The following MEGF6 variants were observed in gnomAD, a reference collection of about 807,000 sequenced individuals.
MEGF6 encodes multiple EGF like domains 6.
A neutral mutation model predicts 207.1 loss-of-function variants in MEGF6; 184 were observed. That is an observed-to-expected ratio of 0.89 (90% CI 0.79 to 1.00). The LOEUF is 1.00. Ranked by LOEUF, MEGF6 falls within the 50% of genes least tolerant of loss-of-function variation. The pLI is 0.00. For synonymous variants in MEGF6, 1,038 were observed against 910.0 expected, an observed-to-expected ratio of 1.14 and a Z score of -2.53; for missense variants, 2,282 against 2,202.9, an observed-to-expected ratio of 1.04 and a Z score of -0.72.
At chr1:3,540,917 C>G (rs1311880756) in intron 4 of MEGF6, among the ~76,000 whole-genome samples, 2 of 152,200 alleles carry the variant, frequency 1.3e-5, no homozygotes, top group African/African-American at 2.4e-5. Context: ...TTGTGGAATA[C>G]CCACTAAGGG....
chr1:3,512,905 C>T (rs923640241), intron 7 of MEGF6, among the ~76,000 whole-genome samples: 5 of 152,174 alleles, frequency 3.3e-5, no homozygotes, highest in East Asian at 3.9e-4. Flanking sequence ...AGTGGCAGCC[C>T]GACCCCTCCC....
At chr1:3,552,277 A>T (rs1474662791) in intron 4 of MEGF6, among the ~76,000 whole-genome samples, 1 of 152,228 alleles carries the variant, frequency 6.6e-6, no homozygotes. Context: ...TCCCTGCTCC[A>T]GGCTGTGGGG....
Position 3,505,547 on chromosome 1 carries a change from G to A in MEGF6, c.1928C>T (p.Pro643Leu), listed in dbSNP as rs1467856963. Residue 643 changes from proline to leucine, a missense_variant, in exon 16 of 37, where the codon CCG becomes CTG. Coordinates refer to ENST00000356575, the MANE Select transcript of MEGF6 (RefSeq NM_001409.4). Reference protein sequence around the residue: ...YGRFCHLTCPPWAFGPGCSEE... With the variant: ...YGRFCHLTCPLWAFGPGCSEE... ...CGAGCAGCCCGGCCCAAAGGCCCAC[G>A]GCGGGCAGGCTGCACCCACAGAACC... The A allele has an allele frequency of 1.2e-5, 19 of 1,579,694 alleles. No individual in the cohort carries two copies. Among genetic ancestry groups the A allele is most frequent in the Middle Eastern group, 1.9e-4 (1 of 5,304 alleles).
the MEGF6 span, among the ~76,000 whole-genome samples, chr1:3,621,556 A>T: frequency 6.6e-6 from 1 of 152,190 alleles, no homozygotes; most frequent in Non-Finnish European, 1.5e-5. Flanking sequence ...ATCTAGTATA[A>T]CTCTTGTTAT....
rs564894728 is a variant in MEGF6 at position 3,598,935 on chromosome 1, C to A, written c.267-3488G>T. ...CCCGGCCGGGTTTGTCAGGGAAGTA[C>A]CCACTGAGGGGGCTGAAGGCAAGAC... On this transcript the variant is annotated intron_variant, in intron 2 of 36. Transcript: ENST00000356575. 1.1e-4 allele frequency among the ~76,000 whole-genome samples: 17 copies of A among 152,216 alleles called. 1 individual carries two copies. In the South Asian group the frequency reaches 3.3e-3, roughly 30 times the overall value.
intron 5 of MEGF6, among the ~76,000 whole-genome samples, chr1:3,519,705 G>A (rs529634176): frequency 6.4e-4 from 98 of 152,356 alleles, no homozygotes; most frequent in African/African-American, 2.2e-3. Flanking sequence ...GCAGCAAGGC[G>A]GCCAGCCCTG....
chr1:3,538,792 C>T (rs1438502179), intron 4 of MEGF6, among the ~76,000 whole-genome samples: 3 of 151,622 alleles, frequency 2.0e-5, no homozygotes, highest in Admixed American at 1.3e-4. Flanking sequence ...TCCCACCCAG[C>T]TGTGCGAGGC....
intron 2 of MEGF6, 137 bp from the exon 3 acceptor site, chr1:3,595,584 T>G (rs1570226294): frequency 1.4e-6 from 1 of 690,330 alleles, no homozygotes; most frequent in Non-Finnish European, 2.5e-6. Flanking sequence ...GGTTCCTGGG[T>G]GGGGTGGCTG....
chr1:3,499,899 G>A lies in MEGF6; in HGVS notation c.2733C>T (p.Pro911=), dbSNP rs1299837312. ...GACACTGGCACCGCTGCTCACAGCC[G>A]GGCCCAAAGTGGCCCTGGGGACACT... ...EQQCPQGHFG[P]GCEQRCQCQH... The change falls in exon 22 of 37, where the codon CCC becomes CCT. Residue 911 remains proline, a synonymous_variant. Transcript: ENST00000356575. 1.9e-5 allele frequency: 29 copies of A among 1,561,824 alleles called. No individual in the cohort carries two copies. The highest frequency in any genetic ancestry group is 1.1e-4 in the Admixed American group (6 of 53,392).
chr1:3,620,090 G>T, the MEGF6 span, among the ~76,000 whole-genome samples: 1 of 152,204 alleles, frequency 6.6e-6, no homozygotes, highest in Admixed American at 6.5e-5. Context: ...GTGGAACTTT[G>T]AATTTGAGAG....
Position 3,500,657 on chromosome 1 carries a change from A to G in MEGF6, c.2683T>C (p.Tyr895His), listed in dbSNP as rs752298969. Residue 895 changes from tyrosine (Y) to histidine (H), a missense_variant, in exon 21 of 37, where the codon TAC becomes CAC. Physicochemically the swap from Tyr to His is moderately conservative, Grantham distance 83. Transcript: ENST00000356575. ...CGCTGCTCGCACCGCGGGCCCACGT[A>G]GCCAGCCTCACACAGACACAGGCCG... ...ISGLCLCEAG[Y>H]VGPRCEQQCP... 3.8e-6 allele frequency: 6 copies of G among 1,566,214 alleles called. No homozygotes were observed. The highest frequency in any genetic ancestry group is 4.3e-6 in the Non-Finnish European group (5 of 1,155,858).
intron 4 of MEGF6, among the ~76,000 whole-genome samples, chr1:3,572,803 G>A (rs1010377703): frequency 6.8e-6 from 1 of 147,764 alleles, no homozygotes; most frequent in African/African-American, 2.5e-5. Context: ...GGTGTGCTGG[G>A]TCCTCCCTGT....
chr1:3,622,616 GA>G, the MEGF6 span, among the ~76,000 whole-genome samples: 5 of 152,178 alleles, frequency 3.3e-5, no homozygotes, highest in Non-Finnish European at 2.9e-5. Flanking sequence ...AAGGTCGTGT[GA>G]AGATGGAGGC....
intron 14 of MEGF6, 143 bp from the exon 15 acceptor site, chr1:3,506,379 C>T (rs923682317): frequency 2.8e-5 from 29 of 1,031,784 alleles, no homozygotes; most frequent in East Asian, 1.1e-4. Flanking sequence ...GTGAGCCTTC[C>T]GGATGTGGCC....
At chr1:3,593,929 C>T (rs1444721763) in intron 3 of MEGF6, among the ~76,000 whole-genome samples, 7 of 152,188 alleles carry the variant, frequency 4.6e-5, no homozygotes, top group Non-Finnish European at 8.8e-5. Flanking sequence ...ACTGGAAAAA[C>T]ATGGCCATCA....
At position 3,509,265 on chromosome 1, in the gene MEGF6, G is replaced by A. The variant is rs758329961; in HGVS notation, c.1358-20C>T. 37 of 1,425,734 alleles carry A rather than the reference G, an allele frequency of 2.6e-5. No individual in the cohort carries two copies. In the Admixed American group the frequency reaches 7.1e-4, roughly 27 times the overall value. The allele number at this position is 1,425,734 out of a possible 1,614,324, so 88.3% of individuals were successfully genotyped here. ...CCAGGGCTGCCAGGGGCACAGAGGC[G>A]CCTTAGCCCCTGCCACCCACCTGCC... On this transcript the variant is annotated intron_variant, in intron 11 of 36. Transcript: ENST00000356575.
upstream of MEGF6, among the ~76,000 whole-genome samples, chr1:3,613,651 G>A (rs1277854619): frequency 6.6e-6 from 1 of 152,186 alleles, no homozygotes; most frequent in Non-Finnish European, 1.5e-5. Flanking sequence ...GGAGGTCTCT[G>A]GGCAGGGGAG....
intron 17 of MEGF6, among the ~76,000 whole-genome samples, chr1:3,504,585 C>A (rs930001784): frequency 1.3e-5 from 2 of 152,040 alleles, no homozygotes; most frequent in Admixed American, 6.6e-5. Flanking sequence ...GGGCTGGAAT[C>A]GCGTCGGGCA....
At chr1:3,506,344 G>C in intron 14 of MEGF6, 108 bp from the exon 15 acceptor site, 1 of 1,387,768 alleles carries the variant, frequency 7.2e-7, no homozygotes, top group Non-Finnish European at 9.7e-7. Context: ...ACAGGAGCTG[G>C]GAGCAGCCCC....
Sources: gnomAD v4.1 joint callset for allele counts (sites outside exome capture counted in the v4.1 genomes callset) on GRCh38, gnomAD v4.1.1 for gene constraint, MANE v1.5 for transcripts, NCBI Gene and HGNC (gene_info 2026-07-23, HGNC 2026-07-21) for gene names.